STOML1: variants seen among roughly 807,000 people sequenced by gnomAD.
STOML1 encodes the protein stomatin-like protein 1.
In STOML1, 27 loss-of-function variants were observed where a neutral mutation model predicts 35.7. The ratio of observed to expected loss-of-function variants is 0.76; its 90% confidence interval spans 0.56 to 1.04. STOML1 has a LOEUF of 1.04. Among genes scored for constraint, STOML1 ranks in the 50% least tolerant of loss-of-function variants. The pLI, the probability that STOML1 is intolerant of heterozygous loss-of-function variation, is 0.00. For missense variants in STOML1, 451 were observed against 527.1 expected, an observed-to-expected ratio of 0.86 and a Z score of 1.41; for synonymous variants, 219 against 227.9, an observed-to-expected ratio of 0.96 and a Z score of 0.35.
upstream of STOML1, chr15:73,992,374 G>A (rs1278877168): frequency 2.8e-5 from 25 of 902,962 alleles, no homozygotes; most frequent in Non-Finnish European, 3.6e-5. Context: ...AGGCCGGCCG[G>A]GGCCCGCTTC....
chr15:73,989,061 G>A, intron 3 of STOML1, 47 bp downstream of exon 3: 2 of 1,541,288 alleles, frequency 1.3e-6, no homozygotes, highest in Admixed American at 2.0e-5. Flanking sequence ...AGTACATTCT[G>A]GACAGGCCCC....
chr15:73,989,012 C>G (rs1291200172), intron 3 of STOML1, 96 bp downstream of exon 3: 42 of 1,507,580 alleles, frequency 2.8e-5, no homozygotes, highest in Non-Finnish European at 3.5e-5. Context: ...CCCCTTCCCC[C>G]CTCAGATGGT....
Position 73,991,483 on chromosome 15 carries a change from A to G in STOML1, c.133+608T>C, listed in dbSNP as rs1595866855. On this transcript the variant is annotated intron_variant, in intron 1 of 6. Transcript: ENST00000541638. ...AGACTTCTGGATAGGGAGAGCTTTC[A>G]GGACAGGAAGGCCAGGGAGGGATCA... 5 of 424,712 alleles carry G rather than the reference A, an allele frequency of 1.2e-5. No individual in the cohort carries two copies. In the East Asian group the frequency reaches 3.6e-4, roughly 30 times the overall value. 26.3% of individuals were successfully genotyped at this position (424,712 alleles called of 1,614,324 possible).
intron 1 of STOML1, chr15:73,990,712 C>A: frequency 1.6e-6 from 2 of 1,265,744 alleles, no homozygotes; most frequent in Non-Finnish European, 2.2e-6. Context: ...CTCTGCTAGG[C>A]AACAGCCATT....
Position 73,981,415 on chromosome 15 carries a change from C to G in STOML1, c.*2522G>C, listed in dbSNP as rs2068958868. ...AACACATTATATATTAATATATTAA[C>G]TAGGATACTTAAACTATTATCATTA... is the stretch of plus-strand genomic sequence containing the variant. On this transcript the variant is annotated 3_prime_UTR_variant, in exon 7 of 7. Coordinates refer to ENST00000541638, the MANE Select transcript of STOML1 (RefSeq NM_004809.5). The G allele has an allele frequency of 6.6e-6, 1 of 152,088 alleles. No individual in the cohort carries two copies. Among genetic ancestry groups the G allele is most frequent in the Non-Finnish European group, 1.5e-5 (1 of 68,026 alleles). 9.4% of individuals were successfully genotyped at this position (152,088 alleles called of 1,614,324 possible). A position where few individuals can be genotyped will look rare whatever the true frequency, so the allele number is the denominator to read the frequency against.
At chr15:73,984,182 G>A in intron 6 of STOML1, 52 bp from the exon 7 acceptor site, 1 of 1,553,960 alleles carries the variant, frequency 6.4e-7, no homozygotes, top group Non-Finnish European at 8.8e-7. Context: ...GGAACGTGAA[G>A]GAGATCTATG....
At chr15:73,990,171 C>T in intron 2 of STOML1, 180 bp downstream of exon 2, 1 of 612,034 alleles carries the variant, frequency 1.6e-6, no homozygotes, top group South Asian at 2.0e-5. Flanking sequence ...TGACTTTAGA[C>T]AAGCCCAAGC....
At chr15:73,993,857 G>C (rs903963047), upstream of STOML1, among the ~76,000 whole-genome samples, 1 of 151,412 alleles carries the variant, frequency 6.6e-6, no homozygotes, top group Non-Finnish European at 1.5e-5. Context: ...CTTCATACCC[G>C]CTCTCCAGCT....
chr15:73,989,358 T>TCA (rs1406768856), intron 2 of STOML1, 101 bp from the exon 3 acceptor site: 1 of 1,335,820 alleles, frequency 7.5e-7, no homozygotes, highest in Non-Finnish European at 9.9e-7. Context: ...CTCACCTGGG[T>TCA]CACAGTTAGG....
chr15:73,994,482 C>T, upstream of STOML1: 1 of 422,904 alleles, frequency 2.4e-6, no homozygotes, highest in East Asian at 4.3e-5. Context: ...CCAGTGTGAA[C>T]GGATGAATGG....
rs150322464 is a variant in STOML1 at position 73,984,707 on chromosome 15, C to T, written c.955G>A (p.Val319Ile). Residue 319 changes from valine to isoleucine, a missense_variant, in exon 6 of 7, where the codon GTC becomes ATC. Transcript: ENST00000541638. ...QVGACYQFNVVLPSGTQSAYF... is the reference protein window; with the variant it reads ...QVGACYQFNVILPSGTQSAYF... ...GCGCTTTGGGTGCCGCTGGGCAGGACGACATTGAACTGGTAGCAGGCCCCG... is the reference window on the plus strand; with the variant it reads ...GCGCTTTGGGTGCCGCTGGGCAGGATGACATTGAACTGGTAGCAGGCCCCG... 6.9e-5 allele frequency: 112 copies of T among 1,614,104 alleles called. No individual in the cohort carries two copies. The Admixed American group carries it at 1.1e-3, about 16-fold the overall frequency.
intron 1 of STOML1, chr15:73,990,845 T>C: frequency 6.5e-7 from 1 of 1,535,756 alleles, no homozygotes; most frequent in Middle Eastern, 1.7e-4. Flanking sequence ...CCTGGGCATC[T>C]GTAAACATGC....
chr15:73,990,680 A>G (rs974115023), intron 1 of STOML1: 54 of 1,032,852 alleles, frequency 5.2e-5, no homozygotes, highest in Non-Finnish European at 7.1e-5. Context: ...CCCAAGTCCA[A>G]CAACCCTCAC....
Position 73,984,103 on chromosome 15 carries a change from G to A in STOML1, c.1031C>T (p.Pro344Leu). ...TGRGRVGHGV[P>L]DGIPDVVVEM... ...CACCACCACATCAGGGATGCCATCA[G>A]GCACCCCGTGTCCCACTCTTCCTCG... The change falls in exon 7 of 7, where the codon CCT becomes CTT. Residue 344 changes from proline (P) to leucine (L), a missense_variant. By Grantham distance (98) the Pro-to-Leu change is moderately conservative. Coordinates refer to ENST00000541638, the MANE Select transcript of STOML1 (RefSeq NM_004809.5). 6.2e-7 allele frequency: 1 copy of A among 1,613,642 alleles called. No individual in the cohort carries two copies. The highest frequency in any genetic ancestry group is 2.2e-5 in the East Asian group (1 of 44,864).
rs747599656 is a variant in STOML1 at position 73,985,389 on chromosome 15, T to C, written c.719A>G (p.Gln240Arg). Residue 240 changes from glutamine to arginine, a missense_variant, in exon 5 of 7, where the codon CAG becomes CGG. Gln to Arg is a conservative substitution (Grantham distance 43). Transcript: ENST00000541638. The stretch of plus-strand genomic sequence containing the variant: ...TCCCAGGAAGTGCAGGGCCAGCTGC[T>C]GGAGGGTGCTGTCCAGGTTGGGCCC... ...PAGPNLDSTL[Q>R]QLALHFLGGS... is the part of the protein sequence containing the mutation. 8 of 1,558,838 alleles carry C rather than the reference T, an allele frequency of 5.1e-6. No individual in the cohort carries two copies. In the South Asian group the frequency reaches 9.7e-5, roughly 19 times the overall value.
chr15:73,988,224 G>T lies in STOML1; in HGVS notation c.594+375C>A. The T allele has an allele frequency of 4.6e-6, 1 of 215,214 alleles. No individual in the cohort carries two copies. The highest frequency in any genetic ancestry group is 2.3e-5 in the African/African-American group (1 of 43,916). 13.3% of individuals were successfully genotyped at this position (215,214 alleles called of 1,614,324 possible). A position where few individuals can be genotyped will look rare whatever the true frequency, so the allele number is the denominator to read the frequency against. ...GCCTGGAATTCCCCAGCAGGTGACT[G>T]GGCTGGGAGGGTCCCTGCTCCATCA... is the stretch of plus-strand genomic sequence containing the variant. On this transcript the variant is annotated intron_variant, in intron 4 of 6. Transcript: ENST00000541638. The surrounding 1 kb of genome is among the most constrained non-coding windows in gnomAD (Gnocchi z 4.8).
Position 73,984,149 on chromosome 15 carries a change from C to T in STOML1, c.1004-19G>A, listed in dbSNP as rs1294188279. On this transcript the variant is annotated intron_variant, in intron 6 of 6. Coordinates refer to ENST00000541638, the MANE Select transcript of STOML1 (RefSeq NM_004809.5). Reference sequence around the variant, plus strand: ...CCTCGTCCTGTGGGGCAAAAGAAAACCGAGTGTCAGTAGGGGAATGGAGGA... The same window carrying T: ...CCTCGTCCTGTGGGGCAAAAGAAAATCGAGTGTCAGTAGGGGAATGGAGGA... 6 of 1,601,988 alleles carry T rather than the reference C, an allele frequency of 3.7e-6. No homozygotes were observed. Among genetic ancestry groups the T allele is most frequent in the Admixed American group, 3.4e-5 (2 of 59,390 alleles).
Position 73,984,723 on chromosome 15 carries a change from G to C in STOML1, c.939C>G (p.Cys313Trp), listed in dbSNP as rs769224078. The part of the protein sequence containing the change: ...SEALVSQVGA[C>W]YQFNVVLPSG... Reference sequence around the variant, plus strand: ...TGGGCAGGACGACATTGAACTGGTAGCAGGCCCCGACTTGGCTGACCAGGG... The same window carrying C: ...TGGGCAGGACGACATTGAACTGGTACCAGGCCCCGACTTGGCTGACCAGGG... Residue 313 changes from cysteine to tryptophan, a missense_variant, in exon 6 of 7, where the codon TGC (cysteine) becomes TGG (tryptophan). Physicochemically the swap from Cys to Trp is radical, Grantham distance 215 (BLOSUM62 -2). Coordinates refer to ENST00000541638, the MANE Select transcript of STOML1 (RefSeq NM_004809.5). 1.2e-6 allele frequency: 2 copies of C among 1,614,098 alleles called. No individual in the cohort carries two copies. Among genetic ancestry groups the C allele is most frequent in the South Asian group, 2.2e-5 (2 of 91,088 alleles).
In STOML1 at chr15:73,985,594, T is replaced by G. The variant is rs1658422500; in HGVS notation, c.595-81A>C. 8 of 1,471,172 alleles carry G rather than the reference T, an allele frequency of 5.4e-6. No individual in the cohort carries two copies. In the Admixed American group the frequency reaches 1.5e-4, roughly 28 times the overall value. The allele number at this position is 1,471,172 out of a possible 1,614,324, so 91.1% of individuals were successfully genotyped here. A position where few individuals can be genotyped will look rare whatever the true frequency, so the allele number is the denominator to read the frequency against. On this transcript the variant is annotated intron_variant, in intron 4 of 6. Transcript: ENST00000541638. ...CTTCTTTGGGCAGACTGTGTGGCCG[T>G]GCATGGACATGGAGGCACCACACCG...
Sources: gnomAD v4.1 joint callset for allele counts (sites outside exome capture counted in the v4.1 genomes callset) on GRCh38, gnomAD v4.1.1 for gene constraint, Gnocchi (gnomAD v3.1) non-coding constraint, MANE v1.5 for transcripts, NCBI Gene and HGNC (gene_info 2026-07-23, HGNC 2026-07-21) for gene names.